Variants in RELCH observed in about 807,000 individuals in gnomAD.
RELCH encodes the protein RAB11 binding and LisH domain, coiled-coil and HEAT repeat containing, also known as RAB11-binding protein RELCH.
Under a neutral mutation model 150.3 loss-of-function variants are expected in RELCH, and 41 were observed. The ratio of observed to expected loss-of-function variants is 0.27; its 90% confidence interval spans 0.21 to 0.35. The LOEUF (loss-of-function observed/expected upper bound fraction) is 0.35, where lower values mean the gene tolerates loss of function less well. RELCH is among the 10% of genes least tolerant of loss of function. RELCH has a pLI of 1.00. For missense variants in RELCH, 1,092 were observed against 1,467.8 expected (o/e 0.74, Z 4.18); for synonymous variants, 478 against 531.8 (o/e 0.90, Z 1.39).
chr18:62,195,280 CTG>C (rs148387504), intron 1 of RELCH, among the ~76,000 whole-genome samples: 1,556 of 135,840 alleles, frequency 0.011, 8 homozygotes, highest in Middle Eastern at 0.013. Context: ...TACACACACT[CTG>C]TGTGTGTGTG....
chr18:62,232,125 A>G (rs991480293), intron 9 of RELCH, among the ~76,000 whole-genome samples: 1 of 151,856 alleles, frequency 6.6e-6, no homozygotes, highest in African/African-American at 2.4e-5. Context: ...TTCTAGCCCA[A>G]AGAAATATGG....
chr18:62,299,492 C>T (rs1221310090), intron 28 of RELCH, among the ~76,000 whole-genome samples: 3 of 152,124 alleles, frequency 2.0e-5, no homozygotes, highest in Admixed American at 2.0e-4. Context: ...ATAAGTGTTT[C>T]ATCCTATCAG....
Position 62,264,788 on chromosome 18 carries a change from A to G in RELCH, c.2567A>G (p.His856Arg), listed in dbSNP as rs767435118. 2 of 1,609,418 alleles carry G rather than the reference A, an allele frequency of 1.2e-6. No individual in the cohort carries two copies. Among genetic ancestry groups the G allele is most frequent in the African/African-American group, 2.7e-5 (2 of 74,726 alleles). The change falls in exon 18 of 29, where the codon CAT becomes CGT. Residue 856 changes from histidine to arginine, a missense_variant. Transcript: ENST00000644646. ...KINVTSTACV[H>R]EFSRFFWRLC... ...AATGTTACTTCAACTGCCTGTGTCC[A>G]TGAATTCTCCAGATTTTTCTGGCGC...
At chr18:62,299,501 A>C (rs1199560043) in intron 28 of RELCH, among the ~76,000 whole-genome samples, 1 of 152,122 alleles carries the variant, frequency 6.6e-6, no homozygotes. Context: ...TCATCCTATC[A>C]GTCTAGAAAC....
chr18:62,272,818 T>A (rs1003076549), intron 20 of RELCH, among the ~76,000 whole-genome samples: 4 of 152,142 alleles, frequency 2.6e-5, no homozygotes, highest in African/African-American at 9.6e-5. Flanking sequence ...TAGGTTTTTC[T>A]CAGATTTTCA....
At chr18:62,241,630 C>G (rs779344881) in intron 10 of RELCH, among the ~76,000 whole-genome samples, 1 of 151,936 alleles carries the variant, frequency 6.6e-6, no homozygotes, top group Non-Finnish European at 1.5e-5. Context: ...TTTAGAACAC[C>G]TTGTCTTCTG....
chr18:62,271,159 A>C (rs1344661358), intron 20 of RELCH, among the ~76,000 whole-genome samples: 3 of 152,192 alleles, frequency 2.0e-5, no homozygotes, highest in African/African-American at 7.2e-5. Flanking sequence ...TCCTTGAGGA[A>C]TTGCCACACT....
chr18:62,187,510 C>A lies in RELCH; in HGVS notation c.5C>A (p.Ala2Glu). The A allele has an allele frequency of 6.6e-7, 1 of 1,513,292 alleles. No individual in the cohort carries two copies. Among genetic ancestry groups the A allele is most frequent in the Non-Finnish European group, 8.8e-7 (1 of 1,131,354 alleles). 93.7% of individuals were successfully genotyped at this position (1,513,292 alleles called of 1,614,324 possible). The change falls in exon 1 of 29, where the codon GCG becomes GAG. Residue 2 changes from alanine (A) to glutamate (E), a missense_variant. Physicochemically the swap from Ala to Glu is moderately radical, Grantham distance 107. This residue lies in a region of RELCH where 138 missense variants were observed against 124.8 expected (regional missense o/e 1.11). Transcript: ENST00000644646. ...CCACACTCCTGACAGGATAAGATGG[C>A]GGCGATGGCGCCTGGAGGTAGTGGC... M[A>E]AMAPGGSGSG... is the part of the protein sequence containing the mutation.
chr18:62,218,854 C>G (rs1160414258), intron 2 of RELCH, among the ~76,000 whole-genome samples: 1 of 151,856 alleles, frequency 6.6e-6, no homozygotes, highest in Non-Finnish European at 1.5e-5. Flanking sequence ...CAAGGTTGTT[C>G]CGCACAATGT....
intron 2 of RELCH, among the ~76,000 whole-genome samples, chr18:62,217,225 G>C (rs73964848): frequency 0.035 from 5,372 of 151,958 alleles, 323 homozygotes; most frequent in African/African-American, 0.12. Context: ...TCATTTCATA[G>C]GGAAAAAACA....
chr18:62,268,863 T>C lies in RELCH; in HGVS notation c.2681-6T>C, dbSNP rs1401767904. On this transcript the variant is annotated splice_region_variant and splice_polypyrimidine_tract_variant and intron_variant, in intron 19 of 28. Transcript: ENST00000644646. ...ATGTTTTTTTAAATTATTTTAATAA[T>C]TTTAGATTCCTCAGCAGGAAATGGG... 7.0e-7 allele frequency: 1 copy of C among 1,427,312 alleles called. No homozygotes were observed. Among genetic ancestry groups the C allele is most frequent in the Non-Finnish European group, 9.5e-7 (1 of 1,053,684 alleles). The allele number at this position is 1,427,312 out of a possible 1,614,324, so 88.4% of individuals were successfully genotyped here.
intron 10 of RELCH, among the ~76,000 whole-genome samples, chr18:62,240,744 C>A (rs2042110574): frequency 6.6e-6 from 1 of 152,078 alleles, no homozygotes; most frequent in African/African-American, 2.4e-5. Flanking sequence ...TATTTCACTT[C>A]AATACACATT....
At chr18:62,287,764 G>A (rs2044887255) in intron 26 of RELCH, among the ~76,000 whole-genome samples, 1 of 152,126 alleles carries the variant, frequency 6.6e-6, no homozygotes, top group African/African-American at 2.4e-5. Context: ...GAAATAAAGG[G>A]CAGAAAGAAT....
rs1255660251 is a variant in RELCH, at chr18:62,306,606, T to C, written c.*1072T>C. ...ACCTCGTCCCTTAAAGTCAGTGACC[T>C]CCTGTGTTTGATGTATATTACATAG... On this transcript the variant is annotated 3_prime_UTR_variant, in exon 29 of 29. Transcript: ENST00000644646. 6.5e-6 allele frequency: 1 copy of C among 152,716 alleles called. No individual in the cohort carries two copies. Among genetic ancestry groups the C allele is most frequent in the Non-Finnish European group, 1.5e-5 (1 of 68,014 alleles). 9.5% of individuals were successfully genotyped at this position (152,716 alleles called of 1,614,324 possible). A position where few individuals can be genotyped will look rare whatever the true frequency, so the allele number is the denominator to read the frequency against.
intron 28 of RELCH, among the ~76,000 whole-genome samples, chr18:62,302,582 A>T (rs929141170): frequency 2.0e-5 from 3 of 152,074 alleles, no homozygotes; most frequent in Non-Finnish European, 4.4e-5. Context: ...GTGCAGTGGC[A>T]CCATCTCGGC....
intron 10 of RELCH, among the ~76,000 whole-genome samples, chr18:62,241,694 T>C (rs1255398993): frequency 6.6e-6 from 1 of 152,140 alleles, no homozygotes; most frequent in Non-Finnish European, 1.5e-5. Flanking sequence ...ATAAGGAAAG[T>C]TTTAAGACTA....
At chr18:62,255,548 T>A in intron 13 of RELCH, 70 bp downstream of exon 13, 1 of 1,093,068 alleles carries the variant, frequency 9.1e-7, no homozygotes. Context: ...TTGAGTGTCT[T>A]ATAGATTTTA....
Position 62,248,577 on chromosome 18 carries a change from A to G in RELCH, c.1733+3701A>G, listed in dbSNP as rs150789156. ...AATTCACATACTGCTTTGCCTTTAT[A>G]TGCCATGCTTGATTTCTCCTAAACA... On this transcript the variant is annotated intron_variant, in intron 11 of 28. Transcript: ENST00000644646. Among the ~76,000 whole-genome samples the G allele has an allele frequency of 4.7e-4, 71 of 152,312 alleles. 1 individual carries two copies. In the East Asian group the frequency reaches 0.013, roughly 29 times the overall value.
chr18:62,252,590 G>T (rs2042775654), intron 11 of RELCH, 74 bp from the exon 12 acceptor site: 10 of 1,016,116 alleles, frequency 9.8e-6, no homozygotes, highest in South Asian at 9.2e-5. Context: ...TTATAGAGAT[G>T]AGACTTTTTT....
Sources: gnomAD v4.1 joint callset for allele counts (sites outside exome capture counted in the v4.1 genomes callset) on GRCh38, gnomAD v4.1.1 for gene constraint, gnomAD v4.1.1 regional missense constraint, MANE v1.5 for transcripts, NCBI Gene and HGNC (gene_info 2026-07-23, HGNC 2026-07-21) for gene names.